The following LPAR1 variants were observed in gnomAD, a reference collection of about 807,000 sequenced individuals.
The protein encoded by LPAR1 is LPA receptor 1.
A neutral mutation model predicts 23.8 loss-of-function variants in LPAR1; 5 were observed. That is an observed-to-expected ratio of 0.21 (90% confidence interval 0.11 to 0.44). LPAR1 has a LOEUF of 0.44. Among genes scored for constraint, LPAR1 ranks in the 20% least tolerant of loss-of-function variants. The pLI, the probability that LPAR1 is intolerant of heterozygous loss-of-function variation, is 0.99. For missense variants in LPAR1, 311 were observed against 482.8 expected, an observed-to-expected ratio of 0.64 and a Z score of 3.33; for synonymous variants, 160 against 164.7, an observed-to-expected ratio of 0.97 and a Z score of 0.22.
At position 110,940,074 on chromosome 9, in the gene LPAR1, C is replaced by T. The variant is rs551098011; in HGVS notation, c.793+1347G>A. ...CCATTTTTGTAGTTCTACTAATCTT[C>T]ATTGGATGCAATAAGACAATCTCAT... On this transcript the variant is annotated intron_variant, in intron 5 of 5. Transcript: ENST00000683809. 6.0e-4 allele frequency among the ~76,000 whole-genome samples: 92 copies of T among 152,322 alleles called. No homozygotes were observed. The South Asian group carries it at 0.013, about 22-fold the overall frequency.
intron 2 of LPAR1, among the ~76,000 whole-genome samples, chr9:111,011,514 C>T (rs1487525964): frequency 6.6e-6 from 1 of 152,176 alleles, no homozygotes; most frequent in Non-Finnish European, 1.5e-5. Context: ...TGTAACCAAA[C>T]TGAATCCCGT....
At chr9:110,980,188 A>T (rs995160105) in intron 2 of LPAR1, among the ~76,000 whole-genome samples, 1 of 152,140 alleles carries the variant, frequency 6.6e-6, no homozygotes, top group African/African-American at 2.4e-5. Flanking sequence ...CACATGGTAC[A>T]TCTATAAATA....
intron 2 of LPAR1, among the ~76,000 whole-genome samples, chr9:110,986,280 A>G (rs1376728630): frequency 6.6e-6 from 1 of 152,162 alleles, no homozygotes; most frequent in Non-Finnish European, 1.5e-5. Context: ...GGGTGTTTTC[A>G]GTCCGTAGTT....
At position 110,947,530 on chromosome 9, in the gene LPAR1, GTT is replaced by G. The variant is rs763443991; in HGVS notation, c.46-5364_46-5363del. Among the ~76,000 whole-genome samples, 35 of 152,294 alleles carry G rather than the reference GTT, an allele frequency of 2.3e-4. 1 individual carries two copies. Among genetic ancestry groups the G allele is most frequent in the Admixed American group, 1.1e-3 (17 of 15,288 alleles). On this transcript the variant is annotated intron_variant, in intron 4 of 5. Transcript: ENST00000683809. ...ACCTTATTGTGTGATCTCAAAATAA[GTT>G]ATAACAAATCTGTCAAGCCTAAACG...
At position 110,907,606 on chromosome 9, in the gene LPAR1, A is replaced by G. The variant is rs2134173763; in HGVS notation, c.794-31884T>C. 1.3e-5 allele frequency among the ~76,000 whole-genome samples: 2 copies of G among 152,274 alleles called. 1 individual carries two copies. The highest frequency in any genetic ancestry group is 6.8e-3 in the Middle Eastern group (2 of 294). On this transcript the variant is annotated intron_variant, in intron 5 of 5. Coordinates refer to ENST00000683809, the MANE Select transcript of LPAR1 (RefSeq NM_001351411.2). Reference sequence around the variant, plus strand: ...AATTCTATATTCTCTCTTGACATTCACATGTCTGGACAACAGGAAAATCTC... The same window carrying G: ...AATTCTATATTCTCTCTTGACATTCGCATGTCTGGACAACAGGAAAATCTC...
chr9:110,969,168 AT>A (rs765036316), intron 4 of LPAR1, among the ~76,000 whole-genome samples: 1 of 152,026 alleles, frequency 6.6e-6, no homozygotes, highest in Non-Finnish European at 1.5e-5. Context: ...CTCTGGAGGG[AT>A]TTTTTTCATC....
chr9:110,987,110 C>T (rs2096798568), intron 2 of LPAR1, among the ~76,000 whole-genome samples: 1 of 151,974 alleles, frequency 6.6e-6, no homozygotes, highest in African/African-American at 2.4e-5. Context: ...AACTCCACCA[C>T]TAGGAATTTA....
chr9:110,912,730 T>C (rs1290101031), intron 5 of LPAR1, among the ~76,000 whole-genome samples: 1 of 152,120 alleles, frequency 6.6e-6, no homozygotes, highest in Non-Finnish European at 1.5e-5. Flanking sequence ...GTTTTTTTCA[T>C]GACGCAAACA....
intron 4 of LPAR1, among the ~76,000 whole-genome samples, chr9:110,964,607 T>C (rs1016819130): frequency 2.0e-5 from 3 of 152,122 alleles, no homozygotes; most frequent in Non-Finnish European, 2.9e-5. Flanking sequence ...TATTTTTATT[T>C]TTGTGAATGT....
rs1404845084 is a variant in LPAR1 at position 111,031,401 on chromosome 9, A to AG, written c.-182+4720_-182+4721insC. 3.3e-4 allele frequency among the ~76,000 whole-genome samples: 49 copies of AG among 149,098 alleles called. No homozygotes were observed. The East Asian group carries it at 9.4e-3, about 28-fold the overall frequency. ...GTGAGAGCCCATTTCTTTAAAAAAAAAAAAAGAAAAAAAAAAAGAAAAGAA... is the reference window on the plus strand; with the variant it reads ...GTGAGAGCCCATTTCTTTAAAAAAAAGAAAAAGAAAAAAAAAAAGAAAAGAA... On this transcript the variant is annotated intron_variant, in intron 2 of 5. Coordinates refer to ENST00000683809, the MANE Select transcript of LPAR1 (RefSeq NM_001351411.2).
At chr9:110,937,600 A>G (rs6477795) in intron 5 of LPAR1, among the ~76,000 whole-genome samples, 96,289 of 152,072 alleles carry the variant, frequency 0.63, 31,491 homozygotes, top group East Asian at 0.97. Context: ...ATTTATGCCA[A>G]ATAAGTATTT....
At chr9:110,932,458 T>C (rs1158252339) in intron 5 of LPAR1, among the ~76,000 whole-genome samples, 1 of 152,264 alleles carries the variant, frequency 6.6e-6, no homozygotes, top group Non-Finnish European at 1.5e-5. Flanking sequence ...TCAGGTCTCA[T>C]GAACCCAGCC....
intron 5 of LPAR1, among the ~76,000 whole-genome samples, chr9:110,908,329 ATATAT>A (rs915626536): frequency 2.7e-5 from 4 of 149,094 alleles, no homozygotes; most frequent in Admixed American, 1.3e-4. Context: ...ATATTAATTA[ATATAT>A]TATAATTAAC....
chr9:110,890,523 T>C (rs530476720), intron 5 of LPAR1, among the ~76,000 whole-genome samples: 47 of 152,324 alleles, frequency 3.1e-4, no homozygotes, highest in African/African-American at 1.1e-3. Flanking sequence ...CTCAGTGGGA[T>C]TGGAATTGGC....
At position 110,910,938 on chromosome 9, in the gene LPAR1, A is replaced by C. The variant is rs537433788; in HGVS notation, c.793+30483T>G. On this transcript the variant is annotated intron_variant, in intron 5 of 5. Coordinates refer to ENST00000683809, the MANE Select transcript of LPAR1 (RefSeq NM_001351411.2). The stretch of plus-strand genomic sequence containing the variant: ...CAAAGAAAGTGGTCTCTGGAGATAG[A>C]ATATATTCTGGTTGTCAGTGTTGAA... Among the ~76,000 whole-genome samples, 16 of 152,342 alleles carry C rather than the reference A, an allele frequency of 1.1e-4. No individual in the cohort carries two copies. In the South Asian group the frequency reaches 3.3e-3, roughly 32 times the overall value.
At chr9:111,000,630 C>T (rs2097109511) in intron 2 of LPAR1, among the ~76,000 whole-genome samples, 1 of 152,178 alleles carries the variant, frequency 6.6e-6, no homozygotes, top group Non-Finnish European at 1.5e-5. Context: ...CCTTCTGAAA[C>T]CAGGCAGGAA....
intron 5 of LPAR1, among the ~76,000 whole-genome samples, chr9:110,902,300 C>A (rs141459775): frequency 2.3e-3 from 356 of 152,248 alleles, no homozygotes; most frequent in African/African-American, 8.2e-3. Context: ...CAAATCTCAT[C>A]TTGAATTGTA....
At chr9:111,002,826 T>G (rs896244909) in intron 2 of LPAR1, among the ~76,000 whole-genome samples, 2 of 152,128 alleles carry the variant, frequency 1.3e-5, no homozygotes, top group African/African-American at 4.8e-5. Flanking sequence ...GAAAGCGCTG[T>G]AGGTGTAACT....
At chr9:110,910,779 A>C (rs562144481) in intron 5 of LPAR1, among the ~76,000 whole-genome samples, 7 of 152,338 alleles carry the variant, frequency 4.6e-5, no homozygotes, top group African/African-American at 1.7e-4. Context: ...TCAAGACTTC[A>C]GTGGAGGAAG....
Sources: gnomAD v4.1 joint callset for allele counts (sites outside exome capture counted in the v4.1 genomes callset) on GRCh38, gnomAD v4.1.1 for gene constraint, MANE v1.5 for transcripts, NCBI Gene and HGNC (gene_info 2026-07-23, HGNC 2026-07-21) for gene names.